The following ONECUT3 variants were observed in gnomAD, a reference collection of about 807,000 sequenced individuals.
ONECUT3 encodes the protein one cut homeobox 3.
ONECUT3 carries 11 observed loss-of-function variants against 16.8 expected under a neutral mutation model. That is an observed-to-expected ratio of 0.66 (90% CI 0.41 to 1.09). The LOEUF (loss-of-function observed/expected upper bound fraction) is 1.09, where lower values mean the gene tolerates loss of function less well. Ranked by LOEUF, ONECUT3 falls within the 50% of genes least tolerant of loss-of-function variation. The pLI is 0.00. For synonymous variants in ONECUT3, 344 were observed against 310.7 expected (o/e 1.11, Z -1.13); for missense variants, 637 against 629.9 (o/e 1.01, Z -0.12).
At chr19:1,765,693 G>C (rs531836958) in intron 1 of ONECUT3, among the ~76,000 whole-genome samples, 22 of 152,270 alleles carry the variant, frequency 1.4e-4, no homozygotes, top group Admixed American at 1.4e-3. Flanking sequence ...GGCCCGGTGG[G>C]GACACAGGGC....
chr19:1,756,712 T>TGTA, intron 1 of ONECUT3, among the ~76,000 whole-genome samples: 1 of 146,686 alleles, frequency 6.8e-6, no homozygotes. Flanking sequence ...TTTTTTTTTT[T>TGTA]TTTTTTTGTA....
Position 1,755,093 on chromosome 19 carries a change from C to T in ONECUT3, c.1192+239C>T, listed in dbSNP as rs910665643. Among the ~76,000 whole-genome samples, 9 of 152,190 alleles carry T rather than the reference C, an allele frequency of 5.9e-5. No individual in the cohort carries two copies. Among genetic ancestry groups the T allele is most frequent in the East Asian group, 3.9e-4 (2 of 5,176 alleles). On this transcript the variant is annotated intron_variant, in intron 1 of 1. Transcript: ENST00000382349. The surrounding 1 kb of genome is among the most constrained non-coding windows in gnomAD (Gnocchi z 7.5). ...CCCGCCCCCCGGTCGCCGCTTCTGC[C>T]CCTTTCGGGAGCGCGTAGGGGTTCT...
rs1377391157 is a variant in ONECUT3 at position 1,755,317 on chromosome 19, C to T, written c.1192+463C>T. Among the ~76,000 whole-genome samples, 1 of 152,164 alleles carries T rather than the reference C, an allele frequency of 6.6e-6. No individual in the cohort carries two copies. Among genetic ancestry groups the T allele is most frequent in the Non-Finnish European group, 1.5e-5 (1 of 68,020 alleles). ...GGAGAGGGGCTGTTGAGCCCCCAGC[C>T]CCGGGCCACAGAGCTCCGAGACGTT... On this transcript the variant is annotated intron_variant, in intron 1 of 1. Coordinates refer to ENST00000382349, the MANE Select transcript of ONECUT3 (RefSeq NM_001080488.2). This position sits in a 1 kb window ranked among gnomAD's most constrained non-coding sequence, Gnocchi z 7.5.
At position 1,778,865 on chromosome 19, in the gene ONECUT3, A is replaced by AACACACACACAC. The variant is rs1186684164; in HGVS notation, c.*3420_*3421insACACACACACAC. ...CTGGATCCTTTTCAGATATCTTCGT[A>AACACACACACAC]TCACACACACACACACACACACACA... On this transcript the variant is annotated 3_prime_UTR_variant, in exon 2 of 2. Transcript: ENST00000382349. 1.7e-4 allele frequency: 16 copies of AACACACACACAC among 92,158 alleles called. No homozygotes were observed. Among genetic ancestry groups the AACACACACACAC allele is most frequent in the Middle Eastern group, 0.011 (2 of 176 alleles). The allele number at this position is 92,158 out of a possible 1,614,324, so 5.7% of individuals were successfully genotyped here. A position where few individuals can be genotyped will look rare whatever the true frequency, so the allele number is the denominator to read the frequency against.
Position 1,755,223 on chromosome 19 carries a change from G to A in ONECUT3, c.1192+369G>A, listed in dbSNP as rs1297761212. ...TGTGTGTGTGAGCGCGCGCCTGTTGGGGGGAGCTGTGTCCCCGAACGAGCT... is the reference window on the plus strand; with the variant it reads ...TGTGTGTGTGAGCGCGCGCCTGTTGAGGGGAGCTGTGTCCCCGAACGAGCT... On this transcript the variant is annotated intron_variant, in intron 1 of 1. Coordinates refer to ENST00000382349, the MANE Select transcript of ONECUT3 (RefSeq NM_001080488.2). This position sits in a 1 kb window ranked among gnomAD's most constrained non-coding sequence, Gnocchi z 7.5. Among the ~76,000 whole-genome samples, 1 of 151,782 alleles carries A rather than the reference G, an allele frequency of 6.6e-6. No individual in the cohort carries two copies. The highest frequency in any genetic ancestry group is 1.5e-5 in the Non-Finnish European group (1 of 67,922).
chr19:1,765,063 G>T (rs983607199), intron 1 of ONECUT3, among the ~76,000 whole-genome samples: 2 of 152,132 alleles, frequency 1.3e-5, no homozygotes, highest in African/African-American at 4.8e-5. Context: ...GTGGTTTGGG[G>T]CACTGTACAG....
chr19:1,767,757 C>T (rs566612965), intron 1 of ONECUT3, among the ~76,000 whole-genome samples: 18 of 152,342 alleles, frequency 1.2e-4, no homozygotes, highest in Admixed American at 7.8e-4. Context: ...CTGGGGGCGG[C>T]GGCGCAGGCC....
At chr19:1,771,503 C>G (rs1003202206) in intron 1 of ONECUT3, among the ~76,000 whole-genome samples, 11 of 152,300 alleles carry the variant, frequency 7.2e-5, no homozygotes, top group African/African-American at 2.6e-4. Flanking sequence ...GAAAGCCTTG[C>G]TCTGTTGTCT....
In ONECUT3 at chr19:1,754,768, T is replaced by C; in HGVS notation, c.1106T>C (p.Leu369Pro). Reference sequence around the variant, plus strand: ...CGCAACCCCAAGCCGTGGAGCAAGCTCAAATCCGGCCGCGAGACCTTCCGC... The same window carrying C: ...CGCAACCCCAAGCCGTGGAGCAAGCCCAAATCCGGCCGCGAGACCTTCCGC... Reference protein sequence around the residue: ...LLRNPKPWSKLKSGRETFRRM... With the variant: ...LLRNPKPWSKPKSGRETFRRM... The change falls in exon 1 of 2, where the codon CTC becomes CCC. Residue 369 changes from leucine (L) to proline (P), a missense_variant. By Grantham distance (98) the Leu-to-Pro change is moderately conservative (BLOSUM62 -3). Transcript: ENST00000382349. This position sits in a 1 kb window ranked among gnomAD's most constrained non-coding sequence, Gnocchi z 7.4. 6.4e-7 allele frequency: 1 copy of C among 1,567,252 alleles called. No individual in the cohort carries two copies. The highest frequency in any genetic ancestry group is 8.6e-7 in the Non-Finnish European group (1 of 1,158,780).
At chr19:1,771,761 C>T (rs931133085) in intron 1 of ONECUT3, among the ~76,000 whole-genome samples, 2 of 151,788 alleles carry the variant, frequency 1.3e-5, no homozygotes, top group Non-Finnish European at 2.9e-5. Context: ...CTCACTGCAG[C>T]CTTGACCTTC....
chr19:1,775,158 A>T lies in ONECUT3; in HGVS notation c.1198A>T (p.Lys400Ter). Residue 400 changes from lysine (K) to a stop codon, truncating the protein, a stop_gained, in exon 2 of 2, where the codon AAG becomes TAG. Coordinates refer to ENST00000382349, the MANE Select transcript of ONECUT3 (RefSeq NM_001080488.2). LOFTEE classifies it high-confidence loss of function. Reference protein sequence around the residue: ...RMSALRLAACKRKEQEQQKER... With the variant: ...RMSALRLAAC ...CGCCCGCCGCTCGCCCGCAGCCTGC[A>T]AGCGCAAGGAACAGGAGCAGCAGAA... 1.1e-6 allele frequency: 1 copy of T among 929,128 alleles called. No individual in the cohort carries two copies. The highest frequency in any genetic ancestry group is 1.5e-6 in the Non-Finnish European group (1 of 659,594). The allele number at this position is 929,128 out of a possible 1,614,324, so 57.6% of individuals were successfully genotyped here.
chr19:1,758,684 C>CAA lies in ONECUT3; in HGVS notation c.1192+3830_1192+3831insAA, dbSNP rs1220453029. Among the ~76,000 whole-genome samples the CAA allele has an allele frequency of 6.6e-6, 1 of 151,352 alleles. No individual in the cohort carries two copies. The highest frequency in any genetic ancestry group is 6.6e-5 in the Admixed American group (1 of 15,220). ...ACCCTACCCCCACCCCATGGTCCTC[C>CAA]GAGTCCCGCACTTCGGAGCTGCCTC... On this transcript the variant is annotated intron_variant, in intron 1 of 1. Coordinates refer to ENST00000382349, the MANE Select transcript of ONECUT3 (RefSeq NM_001080488.2). The surrounding 1 kb of genome is among the most constrained non-coding windows in gnomAD (Gnocchi z 5.9).
rs144215952 is a variant in ONECUT3 at position 1,759,084 on chromosome 19, C to T, written c.1192+4230C>T. Reference sequence around the variant, plus strand: ...AAACTGAGGCAGGGAGGACCCCCCACCCCCACCCCAGGTGGATGGGATGCT... The same window carrying T: ...AAACTGAGGCAGGGAGGACCCCCCATCCCCACCCCAGGTGGATGGGATGCT... On this transcript the variant is annotated intron_variant, in intron 1 of 1. Coordinates refer to ENST00000382349, the MANE Select transcript of ONECUT3 (RefSeq NM_001080488.2). The surrounding 1 kb of genome is among the most constrained non-coding windows in gnomAD (Gnocchi z 4.1). 1.5e-3 allele frequency among the ~76,000 whole-genome samples: 231 copies of T among 152,214 alleles called. No homozygotes were observed. The highest frequency in any genetic ancestry group is 5.2e-3 in the African/African-American group (217 of 41,532).
At chr19:1,767,628 T>C (rs972789826) in intron 1 of ONECUT3, among the ~76,000 whole-genome samples, 4 of 152,150 alleles carry the variant, frequency 2.6e-5, no homozygotes, top group African/African-American at 9.6e-5. Flanking sequence ...TGCCCTCTGC[T>C]GGACACAGCG....
chr19:1,760,762 C>G (rs535800916), intron 1 of ONECUT3, among the ~76,000 whole-genome samples: 21 of 152,232 alleles, frequency 1.4e-4, no homozygotes, highest in Middle Eastern at 3.4e-3. Flanking sequence ...ACGCCAGCCT[C>G]GGTCCCAATA....
At position 1,775,669 on chromosome 19, in the gene ONECUT3, A is replaced by C; in HGVS notation, c.*224A>C. 5 of 407,386 alleles carry C rather than the reference A, an allele frequency of 1.2e-5. No individual in the cohort carries two copies. Among genetic ancestry groups the C allele is most frequent in the Non-Finnish European group, 8.6e-6 (2 of 232,294 alleles). 25.2% of individuals were successfully genotyped at this position (407,386 alleles called of 1,614,324 possible). On this transcript the variant is annotated 3_prime_UTR_variant, in exon 2 of 2. Coordinates refer to ENST00000382349, the MANE Select transcript of ONECUT3 (RefSeq NM_001080488.2). ...TCCATGCCCACTCCCTCCAGGCCAA[A>C]GGAAGCCCTCCACCCCCCCCCGGAG...
chr19:1,777,696 T>C lies in ONECUT3; in HGVS notation c.*2251T>C, dbSNP rs573657348. ...CAGGGCCCACGTTTTAATTTCTTTT[T>C]AAAAAGCTTTAGGTCTTGCCGGGCG... is the stretch of plus-strand genomic sequence containing the variant. On this transcript the variant is annotated 3_prime_UTR_variant, in exon 2 of 2. Transcript: ENST00000382349. 2 of 152,304 alleles carry C rather than the reference T, an allele frequency of 1.3e-5. No homozygotes were observed. The highest frequency in any genetic ancestry group is 4.8e-5 in the African/African-American group (2 of 41,552). 9.4% of individuals were successfully genotyped at this position (152,304 alleles called of 1,614,324 possible).
In ONECUT3 at chr19:1,762,825, G is replaced by T. The variant is rs112824295; in HGVS notation, c.1192+7971G>T. 4.8e-3 allele frequency among the ~76,000 whole-genome samples: 706 copies of T among 148,340 alleles called. 6 individuals carry two copies. The highest frequency in any genetic ancestry group is 0.016 in the African/African-American group (655 of 40,676). On this transcript the variant is annotated intron_variant, in intron 1 of 1. Transcript: ENST00000382349. The surrounding 1 kb of genome is among the most constrained non-coding windows in gnomAD (Gnocchi z 4.4). ...TGTCTGGCGCCCCAGAACCGCGGCC[G>T]TCCTGGGTGCGCTCAGCTCCAGCGC... is the stretch of plus-strand genomic sequence containing the variant.
chr19:1,763,376 A>AAAAAAAAAAAAAAAAAAAAAAAAAAAC (rs2067957569), intron 1 of ONECUT3, among the ~76,000 whole-genome samples: 1 of 125,584 alleles, frequency 8.0e-6, no homozygotes, highest in Non-Finnish European at 1.6e-5. Context: ...CAAAAAAAAA[A>AAAAAAAAAAAAAAAAAAAAAAAAAAAC]AAAAAAAAAA....
Sources: gnomAD v4.1 joint callset for allele counts (sites outside exome capture counted in the v4.1 genomes callset) on GRCh38, gnomAD v4.1.1 for gene constraint, Gnocchi (gnomAD v3.1) non-coding constraint, MANE v1.5 for transcripts, NCBI Gene and HGNC (gene_info 2026-07-23, HGNC 2026-07-21) for gene names.